ABCB7: variants seen among roughly 807,000 people sequenced by gnomAD.
The protein encoded by ABCB7 is ATP binding cassette subfamily B member 7, also known as iron-sulfur clusters transporter ABCB7, mitochondrial.
ABCB7 carries 7 observed loss-of-function variants against 54.4 expected under a neutral mutation model. The observed-to-expected ratio is 0.13, with a 90% CI of 0.07 to 0.24. ABCB7 has a LOEUF of 0.24. Among genes scored for constraint, ABCB7 ranks in the 10% least tolerant of loss-of-function variants. The probability of loss-of-function intolerance (pLI) is 1.00; values close to 1 mark genes in which losing one functional copy is unlikely to be tolerated. For synonymous variants in ABCB7, 218 were observed against 207.1 expected (o/e 1.05, Z -0.45); for missense variants, 356 against 570.4 (o/e 0.62, Z 3.83).
intron 8 of ABCB7, among the ~76,000 whole-genome samples, chrX:75,072,610 T>C (rs1284021973): frequency 9.0e-6 from 1 of 111,575 alleles, no homozygotes; most frequent in Non-Finnish European, 1.9e-5. Context: ...TTATCAGCAA[T>C]GGATCCTGCA....
chrX:75,077,684 G>A (rs778009644), intron 4 of ABCB7, among the ~76,000 whole-genome samples: 191 of 111,371 alleles, frequency 1.7e-3, no homozygotes, highest in South Asian at 0.012. Context: ...CCAAGGTAAC[G>A]TATACAAGAG....
chrX:75,058,703 T>C (rs1444127625), intron 15 of ABCB7, among the ~76,000 whole-genome samples: 2 of 111,633 alleles, frequency 1.8e-5, no homozygotes, highest in Non-Finnish European at 3.8e-5. Flanking sequence ...CAAGTGGCAA[T>C]GGTGTAAAAT....
chrX:75,097,978 A>G (rs1480992006), intron 4 of ABCB7, among the ~76,000 whole-genome samples: 1 of 111,713 alleles, frequency 9.0e-6, no homozygotes, highest in Non-Finnish European at 1.9e-5. Context: ...ACAATATAGT[A>G]TACCTACAAA....
At chrX:75,079,405 G>A (rs1439529571) in intron 4 of ABCB7, among the ~76,000 whole-genome samples, 3 of 111,988 alleles carry the variant, frequency 2.7e-5, no homozygotes, top group Non-Finnish European at 5.6e-5. Flanking sequence ...ATATTTTGGG[G>A]ATGGGACTAG....
chrX:75,124,310 G>T (rs945379004), intron 1 of ABCB7, among the ~76,000 whole-genome samples: 1 of 112,064 alleles, frequency 8.9e-6, no homozygotes, highest in Non-Finnish European at 1.9e-5. Flanking sequence ...CTCTGGGTAC[G>T]TAACACCAAC....
At chrX:75,125,724 C>T (rs1294516338) in intron 1 of ABCB7, among the ~76,000 whole-genome samples, 3 of 111,110 alleles carry the variant, frequency 2.7e-5, no homozygotes, top group Non-Finnish European at 5.7e-5. Context: ...TAAACAGAGG[C>T]ATGATACAGA....
chrX:75,086,916 C>T (rs994907533), intron 4 of ABCB7, among the ~76,000 whole-genome samples: 11 of 111,651 alleles, frequency 9.9e-5, no homozygotes, highest in Non-Finnish European at 1.9e-5. Context: ...TAATGCATTA[C>T]CATTCTAAAA....
At chrX:75,126,110 C>A (rs1377407514) in intron 1 of ABCB7, among the ~76,000 whole-genome samples, 1 of 111,282 alleles carries the variant, frequency 9.0e-6, no homozygotes, top group Non-Finnish European at 1.9e-5. Context: ...AGCTGGCTGG[C>A]TTGAAAAGAA....
At chrX:75,060,882 G>A (rs759704743) in intron 14 of ABCB7, among the ~76,000 whole-genome samples, 19 of 111,394 alleles carry the variant, frequency 1.7e-4, no homozygotes, top group African/African-American at 6.2e-4. Context: ...ACTTCCTAAC[G>A]CATCCGGGAA....
rs770063792 is a variant in ABCB7, at chrX:75,075,916, A to G, written c.587-286T>C. 4.5e-5 allele frequency among the ~76,000 whole-genome samples: 5 copies of G among 111,804 alleles called. No homozygotes were observed. The South Asian group carries it at 1.9e-3, about 42-fold the overall frequency. ...AATAGCCCACATGGCATTACTGTGG[A>G]TAAATGTGCAGTGTCTGTTGAGGTT... On this transcript the variant is annotated intron_variant, in intron 5 of 15. Transcript: ENST00000373394.
At chrX:75,063,807 T>G (rs896911514) in intron 13 of ABCB7, among the ~76,000 whole-genome samples, 2 of 112,019 alleles carry the variant, frequency 1.8e-5, no homozygotes, top group African/African-American at 6.5e-5. Context: ...TTTGAGAGGT[T>G]TGGTTATAAG....
intron 3 of ABCB7, among the ~76,000 whole-genome samples, chrX:75,103,449 C>G (rs149313829): frequency 1.8e-5 from 2 of 110,757 alleles, no homozygotes; most frequent in African/African-American, 6.6e-5. Flanking sequence ...TATATTTGGA[C>G]TCCCTATTCT....
intron 4 of ABCB7, among the ~76,000 whole-genome samples, chrX:75,085,174 T>TAATC (rs1028140204): frequency 1.2e-4 from 14 of 112,252 alleles, no homozygotes; most frequent in Non-Finnish European, 1.9e-4. Context: ...TTATAATCTA[T>TAATC]AATCACTAAA....
At position 75,124,301 on chromosome X, in the gene ABCB7, T is replaced by C. The variant is rs183811142; in HGVS notation, c.169-9470A>G. The stretch of plus-strand genomic sequence containing the variant: ...CCTTTATCTACCAAATGTTCACATC[T>C]CTGGGTACGTAACACCAACAGCAAG... On this transcript the variant is annotated intron_variant, in intron 1 of 15. Coordinates refer to ENST00000373394, the MANE Select transcript of ABCB7 (RefSeq NM_001271696.3). Among the ~76,000 whole-genome samples the C allele has an allele frequency of 2.9e-3, 321 of 112,185 alleles. 2 individuals carry two copies. The highest frequency in any genetic ancestry group is 2.4e-3 in the Non-Finnish European group (129 of 53,189).
intron 4 of ABCB7, among the ~76,000 whole-genome samples, chrX:75,080,726 C>T (rs1276412919): frequency 8.9e-6 from 1 of 111,981 alleles, no homozygotes; most frequent in African/African-American, 3.2e-5. Context: ...CATATTGATA[C>T]CTCACTGATG....
rs200165466 is a variant in ABCB7 at position 75,146,935 on chromosome X, A to G, written c.168+9170T>C. On this transcript the variant is annotated intron_variant, in intron 1 of 15. Transcript: ENST00000373394. ...AAATTATGCGTCCAACAAAGCTCTA[A>G]TAATATCCAGCATCTATAAGGAACT... Among the ~76,000 whole-genome samples, 15 of 4,494 alleles carry G rather than the reference A, an allele frequency of 3.3e-3. No homozygotes were observed. The Non-Finnish European group carries it at 0.11, about 32-fold the overall frequency. The allele number at this position is 4,494 out of a possible 115,157, so 3.9% of individuals were successfully genotyped here. A position where few individuals can be genotyped will look rare whatever the true frequency, so the allele number is the denominator to read the frequency against.
At chrX:75,102,057 T>C (rs2081644843) in intron 3 of ABCB7, among the ~76,000 whole-genome samples, 1 of 111,410 alleles carries the variant, frequency 9.0e-6, no homozygotes, top group South Asian at 3.8e-4. Flanking sequence ...GCACAGTTTT[T>C]ATTGATTCAT....
chrX:75,084,076 T>C (rs1049096919), intron 4 of ABCB7, among the ~76,000 whole-genome samples: 1 of 110,734 alleles, frequency 9.0e-6, no homozygotes, highest in Non-Finnish European at 1.9e-5. Context: ...GAACATGCTG[T>C]TGATGCTGAA....
chrX:75,153,760 G>GTATATATATATATATATA (rs55904708), intron 1 of ABCB7, among the ~76,000 whole-genome samples: 25 of 94,138 alleles, frequency 2.7e-4, no homozygotes, highest in African/African-American at 9.1e-4. Flanking sequence ...GTGTGTGTGT[G>GTATATATATATATATATA]TATATATATA....
Sources: allele counts gnomAD v4.1 joint callset (sites outside exome capture counted in the v4.1 genomes callset), GRCh38; gene constraint gnomAD v4.1.1; transcripts MANE v1.5; gene names NCBI Gene and HGNC (gene_info 2026-07-23, HGNC 2026-07-21).